Variants in CHRM3 observed in about 807,000 individuals in gnomAD.
CHRM3 encodes cholinergic receptor muscarinic 3, also known as muscarinic acetylcholine receptor M3.
CHRM3 carries 11 observed loss-of-function variants against 41.8 expected under a neutral mutation model. That is an observed-to-expected ratio of 0.26 (90% confidence interval 0.17 to 0.44). The LOEUF (loss-of-function observed/expected upper bound fraction) is 0.44. Ranked by LOEUF, CHRM3 falls within the 20% of genes least tolerant of loss-of-function variation. The pLI, the probability that CHRM3 is intolerant of heterozygous loss-of-function variation, is 1.00. For synonymous variants in CHRM3, 297 were observed against 301.4 expected (o/e 0.99, Z 0.15); for missense variants, 571 against 745.4 (o/e 0.77, Z 2.72).
intron 5 of CHRM3, among the ~76,000 whole-genome samples, chr1:239,725,227 T>A (rs1471575557): frequency 6.6e-6 from 1 of 151,966 alleles, no homozygotes; most frequent in Non-Finnish European, 1.5e-5. Context: ...ATGAAATGAT[T>A]ATGTCCTTTT....
intron 1 of CHRM3, among the ~76,000 whole-genome samples, chr1:239,390,800 A>G (rs1658964911): frequency 6.6e-6 from 1 of 152,238 alleles, no homozygotes; most frequent in African/African-American, 2.4e-5. Context: ...CATGCCCCAG[A>G]CAGTATAGAT....
chr1:239,657,946 T>G (rs1481485997), intron 4 of CHRM3, among the ~76,000 whole-genome samples: 1 of 152,160 alleles, frequency 6.6e-6, no homozygotes, highest in East Asian at 1.9e-4. Context: ...ACAGCTACAT[T>G]GTTGTAGGAT....
chr1:239,796,539 A>T lies in CHRM3; in HGVS notation c.-146-30713A>T, dbSNP rs564508019. Reference sequence around the variant, plus strand: ...GTAGGCTTCATGGACATTTTGGTGCAATTAAGTATATGCTTAGGCTCTCGT... The same window carrying T: ...GTAGGCTTCATGGACATTTTGGTGCTATTAAGTATATGCTTAGGCTCTCGT... On this transcript the variant is annotated intron_variant, in intron 5 of 6. Transcript: ENST00000676153. Among the ~76,000 whole-genome samples the T allele has an allele frequency of 6.6e-5, 10 of 152,166 alleles. No homozygotes were observed. The South Asian group carries it at 1.7e-3, about 25-fold the overall frequency.
At chr1:239,522,903 T>G (rs1264570462) in intron 2 of CHRM3, among the ~76,000 whole-genome samples, 3 of 152,100 alleles carry the variant, frequency 2.0e-5, no homozygotes, top group Non-Finnish European at 2.9e-5. Flanking sequence ...GCAAAATCCT[T>G]TCTTTAGTGT....
chr1:239,539,908 C>T (rs189752591), intron 2 of CHRM3, among the ~76,000 whole-genome samples: 173 of 152,304 alleles, frequency 1.1e-3, no homozygotes, highest in Non-Finnish European at 1.8e-3. Flanking sequence ...TGAGCCACTG[C>T]GCTGGCCAAA....
At chr1:239,718,367 C>T (rs1239825991) in intron 5 of CHRM3, among the ~76,000 whole-genome samples, 1 of 152,038 alleles carries the variant, frequency 6.6e-6, no homozygotes, top group South Asian at 2.1e-4. Flanking sequence ...CAGCGTGAAA[C>T]ATGACACAAG....
intron 5 of CHRM3, among the ~76,000 whole-genome samples, chr1:239,725,709 C>T (rs965022543): frequency 5.0e-4 from 76 of 152,006 alleles, no homozygotes; most frequent in African/African-American, 1.7e-3. Context: ...TGCTGTCTAG[C>T]TAAACGCTTT....
intron 1 of CHRM3, among the ~76,000 whole-genome samples, chr1:239,444,035 A>T (rs1241828419): frequency 6.6e-6 from 1 of 152,168 alleles, no homozygotes; most frequent in Admixed American, 6.5e-5. Flanking sequence ...TAGTAATTGC[A>T]GTCACAATTT....
intron 5 of CHRM3, among the ~76,000 whole-genome samples, chr1:239,808,513 AGC>A (rs371104895): frequency 5.1e-4 from 77 of 152,292 alleles, no homozygotes; most frequent in African/African-American, 1.8e-3. Flanking sequence ...GATCTTTCCC[AGC>A]TGTAGTACGA....
At chr1:239,731,617 T>A (rs1663974603) in intron 5 of CHRM3, among the ~76,000 whole-genome samples, 2 of 151,352 alleles carry the variant, frequency 1.3e-5, no homozygotes, top group African/African-American at 4.9e-5. Context: ...GAAGGGAGGG[T>A]AGAGTGGAGT....
intron 5 of CHRM3, among the ~76,000 whole-genome samples, chr1:239,811,951 C>T (rs557108975): frequency 1.3e-4 from 20 of 152,304 alleles, no homozygotes; most frequent in African/African-American, 4.8e-4. Context: ...TGGAAAAAGG[C>T]AGAAGGCATA....
chr1:239,606,449 T>C (rs929351906), intron 3 of CHRM3, among the ~76,000 whole-genome samples: 6 of 152,134 alleles, frequency 3.9e-5, no homozygotes, highest in Admixed American at 2.0e-4. Flanking sequence ...CTTATTTTTG[T>C]ATTTTTAGTA....
At chr1:239,493,975 T>G (rs1247697452) in intron 2 of CHRM3, among the ~76,000 whole-genome samples, 3 of 152,148 alleles carry the variant, frequency 2.0e-5, no homozygotes, top group Non-Finnish European at 4.4e-5. Context: ...ACATTACTAC[T>G]CCTTGCAGAA....
intron 1 of CHRM3, among the ~76,000 whole-genome samples, chr1:239,437,193 A>G (rs534434778): frequency 3.3e-5 from 5 of 152,202 alleles, no homozygotes; most frequent in Admixed American, 3.3e-4. Flanking sequence ...AGCTCACTGC[A>G]TCCTCCACCT....
intron 1 of CHRM3, among the ~76,000 whole-genome samples, chr1:239,428,047 T>C (rs896633520): frequency 6.6e-6 from 1 of 152,118 alleles, no homozygotes; most frequent in African/African-American, 2.4e-5. Context: ...GGGTAGAAAG[T>C]TTGCCGTCCT....
At chr1:239,850,670 A>G (rs1301422476) in intron 6 of CHRM3, among the ~76,000 whole-genome samples, 2 of 152,234 alleles carry the variant, frequency 1.3e-5, no homozygotes, top group East Asian at 3.9e-4. Context: ...AGGTAGTTAG[A>G]TCATGGGAGT....
At chr1:239,801,173 TGA>T (rs1670186153) in intron 5 of CHRM3, among the ~76,000 whole-genome samples, 1 of 152,210 alleles carries the variant, frequency 6.6e-6, no homozygotes, top group African/African-American at 2.4e-5. Context: ...TGACTATTCA[TGA>T]GAGTTTTCTG....
chr1:239,902,471 T>A (rs968268569), intron 6 of CHRM3, among the ~76,000 whole-genome samples: 2 of 152,166 alleles, frequency 1.3e-5, no homozygotes, highest in African/African-American at 2.4e-5. Flanking sequence ...ATAAAAAAAA[T>A]TAATGACGAT....
intron 4 of CHRM3, among the ~76,000 whole-genome samples, chr1:239,641,728 G>C (rs1336019463): frequency 4.2e-5 from 6 of 141,700 alleles, no homozygotes; most frequent in African/African-American, 1.1e-4. Context: ...CAATTTGCCA[G>C]TCTGTGTCTT....
Sources: allele counts gnomAD v4.1 joint callset (sites outside exome capture counted in the v4.1 genomes callset), GRCh38; gene constraint gnomAD v4.1.1; transcripts MANE v1.5; gene names NCBI Gene and HGNC (gene_info 2026-07-23, HGNC 2026-07-21).